The following TMEM43 variants were observed in gnomAD, a reference collection of about 807,000 sequenced individuals.
TMEM43 encodes transmembrane protein 43.
TMEM43 carries 45 observed loss-of-function variants against 49.6 expected under a neutral mutation model. The ratio of observed to expected loss-of-function variants is 0.91; its 90% CI spans 0.71 to 1.16. TMEM43 has a LOEUF of 1.16. Among genes scored for constraint, TMEM43 ranks in the 50% most tolerant of loss-of-function variants. TMEM43 has a pLI of 0.00. For missense variants in TMEM43, 532 were observed against 516.6 expected (o/e 1.03, Z -0.29); for synonymous variants, 199 against 207.8 (o/e 0.96, Z 0.36).
chr3:14,125,393 GCTT>G (rs1215610754), intron 1 of TMEM43, among the ~76,000 whole-genome samples, 188 bp downstream of exon 1: 1 of 152,218 alleles, frequency 6.6e-6, no homozygotes, highest in Non-Finnish European at 1.5e-5. Flanking sequence ...GCCTGTCCAG[GCTT>G]CTTTTGTCCG....
chr3:14,134,593 G>A (rs991182831), intron 7 of TMEM43, among the ~76,000 whole-genome samples, 177 bp from the exon 8 acceptor site: 1 of 152,190 alleles, frequency 6.6e-6, no homozygotes, highest in Non-Finnish European at 1.5e-5. Flanking sequence ...CTTCCTGGAG[G>A]AGATGGTCTA....
chr3:14,131,088 C>A, intron 3 of TMEM43, 132 bp downstream of exon 3: 1 of 1,160,742 alleles, frequency 8.6e-7, no homozygotes, highest in Non-Finnish European at 1.2e-6. Flanking sequence ...TACCACTCAG[C>A]AGCTGTGTGG....
rs748881874 is a variant in TMEM43, at chr3:14,131,699, G to A, written c.392+25G>A. The A allele has an allele frequency of 2.4e-5, 38 of 1,570,980 alleles. No homozygotes were observed. In the South Asian group the frequency reaches 3.4e-4, roughly 14 times the overall value. On this transcript the variant is annotated intron_variant, in intron 4 of 11. Coordinates refer to ENST00000306077, the MANE Select transcript of TMEM43 (RefSeq NM_024334.3). Reference sequence around the variant, plus strand: ...GGTGAGCTGTTGGGGTGAAAACTCTGTTGGGGTAAAGGAGGAGTGAAGTGT... The same window carrying A: ...GGTGAGCTGTTGGGGTGAAAACTCTATTGGGGTAAAGGAGGAGTGAAGTGT...
At chr3:14,130,609 A>G (rs983042104) in intron 2 of TMEM43, among the ~76,000 whole-genome samples, 2 of 152,160 alleles carry the variant, frequency 1.3e-5, no homozygotes, top group African/African-American at 2.4e-5. Flanking sequence ...GTGGGAACCA[A>G]TGGGGCAGTA....
At chr3:14,141,456 G>A (rs945571469) in intron 11 of TMEM43, 137 bp from the exon 12 acceptor site, 1 of 865,726 alleles carries the variant, frequency 1.2e-6, no homozygotes, top group East Asian at 2.6e-5. Flanking sequence ...GAAGCTCCTT[G>A]CCTTCCACCC....
chr3:14,139,665 T>C (rs1695222932), intron 11 of TMEM43, among the ~76,000 whole-genome samples: 1 of 152,258 alleles, frequency 6.6e-6, no homozygotes, highest in Non-Finnish European at 1.5e-5. Flanking sequence ...AAGCTCTGGA[T>C]GCTTGGCCGT....
At chr3:14,129,323 A>G in intron 1 of TMEM43, 89 bp from the exon 2 acceptor site, 1 of 1,056,670 alleles carries the variant, frequency 9.5e-7, no homozygotes, top group Non-Finnish European at 1.3e-6. Context: ...AAAAAAAAAA[A>G]AAAAAAAAAA....
In TMEM43 at chr3:14,131,579, G is replaced by C; in HGVS notation, c.298-1G>C. Reference sequence around the variant, plus strand: ...TTTGGTTTCTTTGATTCTGTTTGAAGCTTTTGTCTGATCCAAACTATGGGG... The same window carrying C: ...TTTGGTTTCTTTGATTCTGTTTGAACCTTTTGTCTGATCCAAACTATGGGG... On this transcript the variant is annotated splice_acceptor_variant, in intron 3 of 11. Coordinates refer to ENST00000306077, the MANE Select transcript of TMEM43 (RefSeq NM_024334.3). LOFTEE classifies it high-confidence loss of function. The C allele has an allele frequency of 6.2e-7, 1 of 1,613,982 alleles. No homozygotes were observed. Among genetic ancestry groups the C allele is most frequent in the Non-Finnish European group, 8.5e-7 (1 of 1,179,852 alleles).
intron 11 of TMEM43, among the ~76,000 whole-genome samples, chr3:14,141,174 C>T (rs1695240812): frequency 6.6e-6 from 1 of 152,190 alleles, no homozygotes; most frequent in African/African-American, 2.4e-5. Flanking sequence ...AATGAACCAA[C>T]ACCTCTAGGA....
Position 14,130,715 on chromosome 3 carries a change from G to T in TMEM43, c.163-107G>T, listed in dbSNP as rs1365589641. On this transcript the variant is annotated intron_variant, in intron 2 of 11. Transcript: ENST00000306077. ...TTCCAACTGTACGGTGGGGAGATGG[G>T]TCTCAGCGCTCCCGGAGGCCCCATC... is the stretch of plus-strand genomic sequence containing the variant. The T allele has an allele frequency of 4.2e-6, 6 of 1,430,776 alleles. No homozygotes were observed. In the Admixed American group the frequency reaches 1.3e-4, roughly 30 times the overall value. The allele number at this position is 1,430,776 out of a possible 1,614,324, so 88.6% of individuals were successfully genotyped here.
chr3:14,141,913 C>T lies in TMEM43; in HGVS notation c.*118C>T, dbSNP rs925485560. 1 of 958,824 alleles carries T rather than the reference C, an allele frequency of 1.0e-6. No homozygotes were observed. Among genetic ancestry groups the T allele is most frequent in the Admixed American group, 2.4e-5 (1 of 41,220 alleles). The allele number at this position is 958,824 out of a possible 1,614,324, so 59.4% of individuals were successfully genotyped here. ...CGGTCAATTTTGGACTCTGCACTCC[C>T]TCTCCTCTTCAGGGGCCAGACTTGG... is the stretch of plus-strand genomic sequence containing the variant. On this transcript the variant is annotated 3_prime_UTR_variant, in exon 12 of 12. Transcript: ENST00000306077.
At position 14,135,891 on chromosome 3, in the gene TMEM43, G is replaced by C; in HGVS notation, c.865G>C (p.Gly289Arg). 1 of 1,614,008 alleles carries C rather than the reference G, an allele frequency of 6.2e-7. No homozygotes were observed. The highest frequency in any genetic ancestry group is 1.1e-5 in the South Asian group (1 of 91,086). Residue 289 changes from glycine (G) to arginine (R), a missense_variant, in exon 10 of 12, where the codon GGG becomes CGG. Physicochemically the swap from Gly to Arg is moderately radical, Grantham distance 125 (BLOSUM62 -2). Transcript: ENST00000306077. ...SGDTLLLLHH[G>R]DFSAEEVFHR... ...GGATACCTTACTGCTCCTGCACCAC[G>C]GGGACTTCTCAGCAGAGGTGAGTGC...
chr3:14,141,328 GT>G (rs1695242468), intron 11 of TMEM43, among the ~76,000 whole-genome samples: 1 of 152,196 alleles, frequency 6.6e-6, no homozygotes, highest in Admixed American at 6.5e-5. Context: ...AAGTATTAAA[GT>G]TTACAAAGCA....
intron 1 of TMEM43, among the ~76,000 whole-genome samples, chr3:14,128,420 G>A (rs1695046596): frequency 6.6e-6 from 1 of 152,130 alleles, no homozygotes; most frequent in South Asian, 2.1e-4. Flanking sequence ...CATCACTGCT[G>A]ATACGGTTCT....
In TMEM43 at chr3:14,129,426, T is replaced by A; in HGVS notation, c.27T>A (p.Ser9Arg). Residue 9 changes from serine to arginine, a missense_variant, in exon 2 of 12, where the codon AGT becomes AGA. Transcript: ENST00000306077. MAANYSST[S>R]TRREHVKVKT... The stretch of plus-strand genomic sequence containing the variant: ...TTTTTCTTCAGTATTCCAGTACCAG[T>A]ACCCGGAGAGAACATGTCAAAGTTA... The A allele has an allele frequency of 6.2e-7, 1 of 1,613,734 alleles. No homozygotes were observed. The highest frequency in any genetic ancestry group is 8.5e-7 in the Non-Finnish European group (1 of 1,179,842).
chr3:14,130,627 G>A (rs1695080345), intron 2 of TMEM43, among the ~76,000 whole-genome samples, 195 bp from the exon 3 acceptor site: 1 of 152,148 alleles, frequency 6.6e-6, no homozygotes, highest in Non-Finnish European at 1.5e-5. Flanking sequence ...GTAGGAAGAA[G>A]TCTCCCTGGG....
Position 14,129,489 on chromosome 3 carries a change from C to T in TMEM43, c.90C>T (p.Ser30=), listed in dbSNP as rs373839281. 24 of 1,613,924 alleles carry T rather than the reference C, an allele frequency of 1.5e-5. No homozygotes were observed. The highest frequency in any genetic ancestry group is 4.0e-5 in the African/African-American group (3 of 74,890). Residue 30 remains serine (S), a synonymous_variant, in exon 2 of 12, where the codon AGC becomes AGT. Coordinates refer to ENST00000306077, the MANE Select transcript of TMEM43 (RefSeq NM_024334.3). ...SSQPGFLERL[S]ETSGGMFVGL... ...AGCCAGGCTTCCTGGAACGGCTGAG[C>T]GAGACCTCGGGTGGGATGTTTGTGG...
At chr3:14,129,655 G>T in intron 2 of TMEM43, 94 bp downstream of exon 2, 1 of 1,388,260 alleles carries the variant, frequency 7.2e-7, no homozygotes, top group Non-Finnish European at 1.0e-6. Flanking sequence ...TGGTAATCAA[G>T]GGCCTAGATT....
At chr3:14,137,559 T>A (rs1457479866) in intron 10 of TMEM43, among the ~76,000 whole-genome samples, 19 of 152,014 alleles carry the variant, frequency 1.2e-4, no homozygotes, top group Admixed American at 1.2e-3. Flanking sequence ...CTCTGCCAAG[T>A]AGAAAAAAGG....
Sources: allele counts gnomAD v4.1 joint callset (sites outside exome capture counted in the v4.1 genomes callset), GRCh38; gene constraint gnomAD v4.1.1; transcripts MANE v1.5; gene names NCBI Gene and HGNC (gene_info 2026-07-23, HGNC 2026-07-21).